Variants in SLIT2 observed in about 807,000 individuals in gnomAD.
SLIT2 encodes the protein slit guidance ligand 2, also known as slit homolog 2 protein.
A neutral mutation model predicts 185.7 loss-of-function variants in SLIT2; 41 were observed. That is an observed-to-expected ratio of 0.22 (90% CI 0.17 to 0.29). SLIT2 has a LOEUF of 0.29. Among genes scored for constraint, SLIT2 ranks in the 10% least tolerant of loss-of-function variants. The pLI, the probability that SLIT2 is intolerant of heterozygous loss-of-function variation, is 1.00. For missense variants in SLIT2, 1,571 were observed against 1,909.0 expected, an observed-to-expected ratio of 0.82 and a Z score of 3.30; for synonymous variants, 693 against 680.2, an observed-to-expected ratio of 1.02 and a Z score of -0.29.
chr4:20,414,841 C>G (rs1183908608), intron 4 of SLIT2, among the ~76,000 whole-genome samples: 2 of 152,148 alleles, frequency 1.3e-5, no homozygotes, highest in Admixed American at 6.5e-5. Flanking sequence ...TATGATGGGT[C>G]TGTGTGTGGA....
intron 4 of SLIT2, among the ~76,000 whole-genome samples, chr4:20,366,729 G>T (rs771558969): frequency 2.6e-5 from 4 of 152,056 alleles, no homozygotes; most frequent in Non-Finnish European, 5.9e-5. Flanking sequence ...AGAAGAAAAC[G>T]GCAGTTTTAG....
Position 20,301,169 on chromosome 4 carries a change from T to A in SLIT2, c.395+32288T>A, listed in dbSNP as rs566406658. Among the ~76,000 whole-genome samples the A allele has an allele frequency of 8.9e-4, 135 of 152,274 alleles. 2 individuals are homozygous for A. Among genetic ancestry groups the A allele is most frequent in the Admixed American group, 7.2e-3 (110 of 15,290 alleles). ...TGGTTGATAGGGAAATCAAATAAGA[T>A]ATTGAAGAGCTTTAAAAATTAGAAA... is the stretch of plus-strand genomic sequence containing the variant. On this transcript the variant is annotated intron_variant, in intron 4 of 36. Coordinates refer to ENST00000504154, the MANE Select transcript of SLIT2 (RefSeq NM_004787.4).
intron 4 of SLIT2, among the ~76,000 whole-genome samples, chr4:20,345,013 T>A (rs1721271483): frequency 6.6e-6 from 1 of 152,200 alleles, no homozygotes. Context: ...GGAGTGATTA[T>A]ATTGGTCATA....
At chr4:20,552,230 G>A (rs1296423941) in intron 25 of SLIT2, among the ~76,000 whole-genome samples, 1 of 152,124 alleles carries the variant, frequency 6.6e-6, no homozygotes, top group Non-Finnish European at 1.5e-5. Flanking sequence ...TTATGGTCAG[G>A]CATCAGAAAA....
chr4:20,540,360 T>C (rs563917631), intron 19 of SLIT2, among the ~76,000 whole-genome samples: 2 of 151,944 alleles, frequency 1.3e-5, no homozygotes, highest in East Asian at 3.9e-4. Flanking sequence ...AAATAAAAGC[T>C]GTTTACTAGA....
rs1165322088 is a variant in SLIT2, at chr4:20,519,353, A to AT, written c.1059-22dup. 3.3e-6 allele frequency: 4 copies of AT among 1,198,240 alleles called. No homozygotes were observed. In the East Asian group the frequency reaches 9.4e-5, roughly 28 times the overall value. 74.2% of individuals were successfully genotyped at this position (1,198,240 alleles called of 1,614,324 possible). A position where few individuals can be genotyped will look rare whatever the true frequency, so the allele number is the denominator to read the frequency against. Reference sequence around the variant, plus strand: ...ATTTGTTATGCAGGTTTGGTGTCTAATTTTTTTCATTTAAAATATTTTTTT... The same window carrying AT: ...ATTTGTTATGCAGGTTTGGTGTCTAATTTTTTTTCATTTAAAATATTTTTTT... On this transcript the variant is annotated intron_variant, in intron 11 of 36. Transcript: ENST00000504154.
intron 4 of SLIT2, among the ~76,000 whole-genome samples, chr4:20,430,174 T>C (rs1728866285): frequency 7.2e-5 from 11 of 152,234 alleles, no homozygotes; most frequent in Admixed American, 7.2e-4. Context: ...TTTTTTCTTA[T>C]TGCTTTTCAC....
chr4:20,369,147 T>A (rs571922777), intron 4 of SLIT2, among the ~76,000 whole-genome samples: 2 of 152,214 alleles, frequency 1.3e-5, no homozygotes, highest in East Asian at 1.9e-4. Flanking sequence ...CCCAAGATGG[T>A]CCAGGGAACA....
At chr4:20,382,643 A>T (rs1724618474) in intron 4 of SLIT2, among the ~76,000 whole-genome samples, 1 of 152,144 alleles carries the variant, frequency 6.6e-6, no homozygotes, top group South Asian at 2.1e-4. Flanking sequence ...CATTGCTGCG[A>T]AAGGTTAGAA....
In SLIT2 at chr4:20,486,163, T is replaced by C. The variant is rs369746042; in HGVS notation, c.540-37T>C. 12 of 1,232,292 alleles carry C rather than the reference T, an allele frequency of 9.7e-6. No individual in the cohort carries two copies. The African/African-American group carries it at 1.6e-4, about 17-fold the overall frequency. The allele number at this position is 1,232,292 out of a possible 1,614,324, so 76.3% of individuals were successfully genotyped here. The stretch of plus-strand genomic sequence containing the variant: ...TATATAAAATGATCAATCAATTTTG[T>C]ATCTAAAAATTCTAACTTTTCTTTT... On this transcript the variant is annotated intron_variant, in intron 6 of 36. Transcript: ENST00000504154.
intron 30 of SLIT2, among the ~76,000 whole-genome samples, chr4:20,592,947 G>A (rs1727631449): frequency 6.6e-6 from 1 of 152,094 alleles, no homozygotes; most frequent in Non-Finnish European, 1.5e-5. Flanking sequence ...TACTCTTAGA[G>A]GCTATATACT....
At chr4:20,291,415 A>G (rs1463309859) in intron 4 of SLIT2, among the ~76,000 whole-genome samples, 1 of 132,370 alleles carries the variant, frequency 7.6e-6, no homozygotes, top group Admixed American at 8.1e-5. Flanking sequence ...ATGCACTCTG[A>G]CCATTATGGT....
At chr4:20,600,550 G>C (rs1248721289) in intron 33 of SLIT2, among the ~76,000 whole-genome samples, 2 of 150,350 alleles carry the variant, frequency 1.3e-5, no homozygotes, top group African/African-American at 2.5e-5. Flanking sequence ...GGCCTCCCAA[G>C]TAGCTGGGAC....
intron 4 of SLIT2, among the ~76,000 whole-genome samples, chr4:20,307,120 T>C (rs1275829024): frequency 1.4e-4 from 5 of 35,912 alleles, no homozygotes; most frequent in Non-Finnish European, 2.0e-4. Flanking sequence ...CTCCCTCCCT[T>C]CCCTTCCCTC....
intron 29 of SLIT2, among the ~76,000 whole-genome samples, chr4:20,570,621 G>A (rs961027775): frequency 4.7e-5 from 7 of 150,386 alleles, no homozygotes; most frequent in Middle Eastern, 3.5e-3. Flanking sequence ...AATTTTGGAG[G>A]CCTCCTTAAA....
chr4:20,479,553 C>T (rs1252554118), intron 5 of SLIT2, among the ~76,000 whole-genome samples: 3 of 151,800 alleles, frequency 2.0e-5, no homozygotes, highest in East Asian at 1.9e-4. Context: ...TCAAGTGAAA[C>T]GTCAAAATAC....
chr4:20,368,352 A>C (rs1477885158), intron 4 of SLIT2, among the ~76,000 whole-genome samples: 1 of 151,852 alleles, frequency 6.6e-6, no homozygotes, highest in East Asian at 1.9e-4. Flanking sequence ...TTAAAAAAAA[A>C]GATTAACAGA....
intron 4 of SLIT2, among the ~76,000 whole-genome samples, chr4:20,462,809 TG>T (rs1176775573): frequency 2.0e-5 from 3 of 152,200 alleles, no homozygotes; most frequent in Non-Finnish European, 4.4e-5. Flanking sequence ...TGACTCATTT[TG>T]CTCATTCCAC....
rs746369728 is a variant in SLIT2, at chr4:20,616,898, G to A, written c.3848-12G>A. On this transcript the variant is annotated splice_polypyrimidine_tract_variant and intron_variant, in intron 34 of 36. Coordinates refer to ENST00000504154, the MANE Select transcript of SLIT2 (RefSeq NM_004787.4). The stretch of plus-strand genomic sequence containing the variant: ...CAGAGAGCCTGACCTCTGACCTGGT[G>A]TTCCTCCCCAGGCATGCCAGGGAAG... 6.3e-7 allele frequency: 1 copy of A among 1,579,970 alleles called. No homozygotes were observed. The highest frequency in any genetic ancestry group is 1.1e-5 in the South Asian group (1 of 87,502).
Sources: allele counts gnomAD v4.1 joint callset (sites outside exome capture counted in the v4.1 genomes callset), GRCh38; gene constraint gnomAD v4.1.1; transcripts MANE v1.5; gene names NCBI Gene and HGNC (gene_info 2026-07-23, HGNC 2026-07-21).